Variants in PHF11 observed in about 807,000 individuals in gnomAD.
PHF11 encodes BRCA1 C-terminus-associated protein.
In PHF11, 38 loss-of-function variants were observed where a neutral mutation model predicts 40.5. That is an observed-to-expected ratio of 0.94 (90% CI 0.72 to 1.23). PHF11 has a LOEUF of 1.23. Among genes scored for constraint, PHF11 ranks in the 50% most tolerant of loss-of-function variants. The probability of loss-of-function intolerance (pLI) is 0.00; values close to 1 mark genes in which losing one functional copy is unlikely to be tolerated. For missense variants in PHF11, 369 were observed against 392.4 expected, an observed-to-expected ratio of 0.94 and a Z score of 0.50; for synonymous variants, 127 against 138.2, an observed-to-expected ratio of 0.92 and a Z score of 0.57.
At chr13:49,516,350 T>C (rs1449629150) in intron 3 of PHF11, among the ~76,000 whole-genome samples, 4 of 151,980 alleles carry the variant, frequency 2.6e-5, no homozygotes, top group African/African-American at 9.7e-5. Context: ...TGCCACATCA[T>C]AGCTACTGCA....
intron 1 of PHF11, among the ~76,000 whole-genome samples, chr13:49,499,652 G>A (rs1594197762): frequency 6.6e-6 from 1 of 152,204 alleles, no homozygotes; most frequent in Non-Finnish European, 1.5e-5. Context: ...TACTGTTTTG[G>A]TCTGTATCCA....
At chr13:49,507,923 A>T (rs995151214) in intron 2 of PHF11, among the ~76,000 whole-genome samples, 4 of 152,234 alleles carry the variant, frequency 2.6e-5, no homozygotes, top group African/African-American at 9.6e-5. Flanking sequence ...GGACGACTGC[A>T]CTATGGCTTT....
At position 49,518,012 on chromosome 13, in the gene PHF11, CT is replaced by C; in HGVS notation, c.325-5del. The C allele has an allele frequency of 6.7e-7, 1 of 1,482,908 alleles. No homozygotes were observed. The highest frequency in any genetic ancestry group is 1.2e-5 in the South Asian group (1 of 83,664). 91.9% of individuals were successfully genotyped at this position (1,482,908 alleles called of 1,614,324 possible). On this transcript the variant is annotated splice_polypyrimidine_tract_variant and splice_region_variant and intron_variant, in intron 3 of 9. Coordinates refer to ENST00000378319, the MANE Select transcript of PHF11 (RefSeq NM_001040443.3). ...TACTTACTCAGTAAAATCTATTCTT[CT>C]GTAGAAATGCAAATTTTGTCATAAA...
intron 1 of PHF11, among the ~76,000 whole-genome samples, chr13:49,499,698 T>C (rs774308563): frequency 2.6e-5 from 4 of 152,234 alleles, no homozygotes; most frequent in Non-Finnish European, 5.9e-5. Context: ...GTGATAAAAT[T>C]GGCTTCTACA....
chr13:49,524,303 GC>G, intron 8 of PHF11, 87 bp downstream of exon 8: 1 of 1,043,748 alleles, frequency 9.6e-7, no homozygotes, highest in Non-Finnish European at 1.4e-6. Flanking sequence ...AAAAAAAAAG[GC>G]CCATTTTCTT....
intron 8 of PHF11, chr13:49,525,699 C>T: frequency 2.4e-6 from 1 of 408,748 alleles, no homozygotes; most frequent in South Asian, 1.8e-5. Context: ...AGGGCAAAAC[C>T]AAAAAGTGAA....
At chr13:49,514,332 C>A (rs1047032311) in intron 3 of PHF11, among the ~76,000 whole-genome samples, 2 of 152,108 alleles carry the variant, frequency 1.3e-5, no homozygotes, top group Admixed American at 6.6e-5. Flanking sequence ...TAAAATGATG[C>A]CCATTTTAAT....
intron 1 of PHF11, among the ~76,000 whole-genome samples, chr13:49,503,018 C>A (rs555992306): frequency 6.6e-6 from 1 of 152,124 alleles, no homozygotes; most frequent in East Asian, 1.9e-4. Flanking sequence ...GCACCGTGCC[C>A]GACCAAGATT....
intron 1 of PHF11, among the ~76,000 whole-genome samples, 170 bp from the exon 2 acceptor site, chr13:49,506,465 A>C (rs560657941): frequency 6.6e-6 from 1 of 152,312 alleles, no homozygotes; most frequent in African/African-American, 2.4e-5. Context: ...CATAGTAAAA[A>C]ATAAAAAATA....
intron 2 of PHF11, among the ~76,000 whole-genome samples, chr13:49,512,621 A>G (rs1378179964): frequency 6.6e-6 from 1 of 152,210 alleles, no homozygotes; most frequent in African/African-American, 2.4e-5. Flanking sequence ...CATGTTTCCT[A>G]AAGGCAGGCA....
At chr13:49,510,417 G>A (rs1373932115) in intron 2 of PHF11, among the ~76,000 whole-genome samples, 2 of 152,130 alleles carry the variant, frequency 1.3e-5, no homozygotes, top group Admixed American at 1.3e-4. Context: ...TTAGTAATGT[G>A]TGTTTTACTT....
chr13:49,527,014 T>A (rs1959326140), intron 9 of PHF11, among the ~76,000 whole-genome samples: 1 of 151,710 alleles, frequency 6.6e-6, no homozygotes, highest in Non-Finnish European at 1.5e-5. Flanking sequence ...CTAATTTAAT[T>A]TCTTATCAGG....
At chr13:49,519,663 C>A (rs1226296936) in intron 4 of PHF11, among the ~76,000 whole-genome samples, 2 of 127,956 alleles carry the variant, frequency 1.6e-5, no homozygotes, top group Non-Finnish European at 3.2e-5. Context: ...ATAACGAGAG[C>A]AGGAGGGGTT....
chr13:49,522,188 G>T, intron 6 of PHF11, 81 bp downstream of exon 6: 1 of 718,046 alleles, frequency 1.4e-6, no homozygotes, highest in Non-Finnish European at 2.4e-6. Flanking sequence ...CAGGTGAAAG[G>T]TACTTTCCAA....
intron 1 of PHF11, chr13:49,497,119 G>A: frequency 7.8e-7 from 1 of 1,289,386 alleles, no homozygotes; most frequent in Non-Finnish European, 1.0e-6. Flanking sequence ...ATGACACAAA[G>A]GCACCAAACC....
At position 49,495,958 on chromosome 13, in the gene PHF11, C is replaced by G. The variant is rs921952088; in HGVS notation, c.-44C>G. On this transcript the variant is annotated 5_prime_UTR_variant, in exon 1 of 10. Coordinates refer to ENST00000378319, the MANE Select transcript of PHF11 (RefSeq NM_001040443.3). Reference sequence around the variant, plus strand: ...AAACCTAGTGCAGCTGGGGCACTTCCGGGATCTCGCTATCCGGCCGCCACC... The same window carrying G: ...AAACCTAGTGCAGCTGGGGCACTTCGGGGATCTCGCTATCCGGCCGCCACC... The G allele has an allele frequency of 7.6e-7, 1 of 1,320,514 alleles. No individual in the cohort carries two copies. Among genetic ancestry groups the G allele is most frequent in the African/African-American group, 1.5e-5 (1 of 65,764 alleles). The allele number at this position is 1,320,514 out of a possible 1,614,324, so 81.8% of individuals were successfully genotyped here.
intron 6 of PHF11, 63 bp downstream of exon 6, chr13:49,522,170 C>A: frequency 1.2e-6 from 1 of 800,040 alleles, no homozygotes; most frequent in South Asian, 1.6e-5. Flanking sequence ...TTAAACCAGT[C>A]TGAATGTCAG....
At chr13:49,527,080 AC>A (rs10717464) in intron 9 of PHF11, 73,201 of 151,546 alleles carry the variant, frequency 0.48, 18,156 homozygotes, top group Middle Eastern at 0.6. Context: ...AAACAAACAA[AC>A]AAAAAATGAG....
At chr13:49,524,473 C>T (rs561486351) in intron 8 of PHF11, among the ~76,000 whole-genome samples, 1 of 150,046 alleles carries the variant, frequency 6.7e-6, no homozygotes, top group Admixed American at 6.7e-5. Flanking sequence ...ACCTTTACCT[C>T]ATTCTTTTTT....
Sources: allele counts gnomAD v4.1 joint callset (sites outside exome capture counted in the v4.1 genomes callset), GRCh38; gene constraint gnomAD v4.1.1; transcripts MANE v1.5; gene names NCBI Gene and HGNC (gene_info 2026-07-23, HGNC 2026-07-21).